The following EPS15 variants were observed in gnomAD, a reference collection of about 807,000 sequenced individuals.
The protein encoded by EPS15 is epidermal growth factor receptor pathway substrate 15.
A neutral mutation model predicts 113.8 loss-of-function variants in EPS15; 72 were observed. That is an observed-to-expected ratio of 0.63 (90% CI 0.52 to 0.77). The LOEUF (loss-of-function observed/expected upper bound fraction) is 0.77. Ranked by LOEUF, EPS15 falls within the 30% of genes least tolerant of loss-of-function variation. The probability of loss-of-function intolerance (pLI) is 0.00; values close to 1 mark genes in which losing one functional copy is unlikely to be tolerated. For synonymous variants in EPS15, 344 were observed against 363.4 expected (o/e 0.95, Z 0.61); for missense variants, 1,048 against 1,045.8 (o/e 1.00, Z -0.03).
At chr1:51,360,078 C>T (rs1367562042) in intron 24 of EPS15, among the ~76,000 whole-genome samples, 4 of 152,072 alleles carry the variant, frequency 2.6e-5, no homozygotes, top group Non-Finnish European at 1.5e-5. Context: ...TGAGCCACCA[C>T]GCCCGGCCTG....
intron 19 of EPS15, among the ~76,000 whole-genome samples, chr1:51,399,826 G>A (rs1648347277): frequency 1.3e-5 from 2 of 151,812 alleles, no homozygotes; most frequent in African/African-American, 4.8e-5. Context: ...CGCACTACTT[G>A]TACTCTAGCC....
intron 18 of EPS15, chr1:51,401,203 C>T (rs1648518209): frequency 2.9e-6 from 1 of 346,384 alleles, no homozygotes; most frequent in Non-Finnish European, 5.2e-6. Flanking sequence ...AAAATCTCTA[C>T]TCTCCACAAG....
intron 21 of EPS15, among the ~76,000 whole-genome samples, chr1:51,368,328 C>G (rs1025527999): frequency 6.6e-6 from 1 of 152,084 alleles, no homozygotes; most frequent in Non-Finnish European, 1.5e-5. Flanking sequence ...GTCACCAAGA[C>G]AGCTGTAGGC....
At chr1:51,408,589 C>T (rs1040327111) in intron 14 of EPS15, among the ~76,000 whole-genome samples, 2 of 151,436 alleles carry the variant, frequency 1.3e-5, no homozygotes, top group African/African-American at 2.4e-5. Context: ...CATACCTAGC[C>T]CTATTATGGA....
intron 12 of EPS15, among the ~76,000 whole-genome samples, chr1:51,439,897 G>A (rs979428794): frequency 2.6e-5 from 4 of 152,056 alleles, no homozygotes; most frequent in African/African-American, 9.7e-5. Flanking sequence ...TTGGCATGGT[G>A]TCTGAATTTA....
chr1:51,452,107 A>G (rs1316168703), intron 8 of EPS15, among the ~76,000 whole-genome samples: 2 of 151,014 alleles, frequency 1.3e-5, no homozygotes, highest in Non-Finnish European at 3.0e-5. Flanking sequence ...TTGGTCTCCA[A>G]CTTCTGAGCT....
intron 1 of EPS15, among the ~76,000 whole-genome samples, chr1:51,503,556 C>T (rs1183332172): frequency 1.3e-5 from 2 of 152,082 alleles, no homozygotes; most frequent in Non-Finnish European, 2.9e-5. Flanking sequence ...GCAGGAGAAT[C>T]GCTTGAACCC....
At chr1:51,399,218 T>C in intron 19 of EPS15, 53 bp from the exon 20 acceptor site, 1 of 1,563,898 alleles carries the variant, frequency 6.4e-7, no homozygotes, top group South Asian at 1.1e-5. Flanking sequence ...TTGCACTAAA[T>C]TTCCCATCAC....
intron 13 of EPS15, among the ~76,000 whole-genome samples, chr1:51,412,755 C>G (rs1483553546): frequency 6.6e-6 from 1 of 152,330 alleles, no homozygotes; most frequent in East Asian, 1.9e-4. Flanking sequence ...CTAGTAACTT[C>G]AGATTCATCT....
intron 1 of EPS15, among the ~76,000 whole-genome samples, chr1:51,508,248 A>AGG (rs1553139471): frequency 1.9e-5 from 2 of 103,962 alleles, no homozygotes; most frequent in African/African-American, 9.9e-5. Flanking sequence ...GAAAGAGAGA[A>AGG]AGAGAGAGAG....
intron 24 of EPS15, among the ~76,000 whole-genome samples, chr1:51,358,010 C>T (rs770583266): frequency 1.4e-4 from 22 of 152,008 alleles, no homozygotes; most frequent in Non-Finnish European, 2.8e-4. Flanking sequence ...AGAACCTAAT[C>T]ATATTTTATA....
intron 23 of EPS15, among the ~76,000 whole-genome samples, chr1:51,362,205 A>G (rs565539693): frequency 3.6e-4 from 55 of 152,352 alleles, no homozygotes; most frequent in African/African-American, 1.2e-3. Flanking sequence ...AAAGATGCTC[A>G]TATCTCAATG....
intron 6 of EPS15, among the ~76,000 whole-genome samples, chr1:51,464,070 G>A (rs1654670432): frequency 1.3e-5 from 2 of 151,906 alleles, no homozygotes; most frequent in Non-Finnish European, 2.9e-5. Flanking sequence ...TCCAACTATT[G>A]GGTTAGAATC....
At chr1:51,490,905 C>T (rs1380500715) in intron 1 of EPS15, among the ~76,000 whole-genome samples, 1 of 152,112 alleles carries the variant, frequency 6.6e-6, no homozygotes. Flanking sequence ...TGTCAATTTC[C>T]TGTTTTTGCT....
At chr1:51,403,561 C>A in intron 16 of EPS15, 29 bp from the exon 17 acceptor site, 1 of 1,258,336 alleles carries the variant, frequency 7.9e-7, no homozygotes, top group South Asian at 1.4e-5. Flanking sequence ...AGTAGATTAA[C>A]AATATACTTT....
intron 21 of EPS15, among the ~76,000 whole-genome samples, chr1:51,393,095 T>G (rs536380438): frequency 2.6e-5 from 4 of 152,348 alleles, no homozygotes; most frequent in African/African-American, 9.6e-5. Context: ...CATATCTCCT[T>G]TTTGTATTCC....
chr1:51,485,568 A>AAAAC (rs753082587), intron 1 of EPS15, among the ~76,000 whole-genome samples: 3 of 152,206 alleles, frequency 2.0e-5, no homozygotes, highest in Non-Finnish European at 4.4e-5. Context: ...TCTCCTTAAA[A>AAAAC]AAACAAACAA....
chr1:51,380,373 T>C (rs890745324), intron 21 of EPS15, among the ~76,000 whole-genome samples: 15 of 152,210 alleles, frequency 9.9e-5, no homozygotes, highest in Non-Finnish European at 1.6e-4. Flanking sequence ...ATTACTATAA[T>C]ACTGGCTCAC....
chr1:51,405,545 A>G (rs1649026400), intron 16 of EPS15, among the ~76,000 whole-genome samples: 1 of 152,042 alleles, frequency 6.6e-6, no homozygotes, highest in Non-Finnish European at 1.5e-5. Flanking sequence ...AAAAATACAA[A>G]AAATTAGCTG....
Sources: gnomAD v4.1 joint callset for allele counts (sites outside exome capture counted in the v4.1 genomes callset) on GRCh38, gnomAD v4.1.1 for gene constraint, MANE v1.5 for transcripts, NCBI Gene and HGNC (gene_info 2026-07-23, HGNC 2026-07-21) for gene names.